SYNE3: variants seen among roughly 807,000 people sequenced by gnomAD.
SYNE3 encodes spectrin repeat containing nuclear envelope family member 3.
A neutral mutation model predicts 111.2 loss-of-function variants in SYNE3; 100 were observed. That is an observed-to-expected ratio of 0.90 (90% CI 0.77 to 1.06). The LOEUF (loss-of-function observed/expected upper bound fraction) is 1.06, where lower values mean the gene tolerates loss of function less well. Among genes scored for constraint, SYNE3 ranks in the 50% least tolerant of loss-of-function variants. The probability of loss-of-function intolerance (pLI) is 0.00; values close to 1 mark genes in which losing one functional copy is unlikely to be tolerated. For synonymous variants in SYNE3, 547 were observed against 533.9 expected, an observed-to-expected ratio of 1.02 and a Z score of -0.34; for missense variants, 1,160 against 1,240.3, an observed-to-expected ratio of 0.94 and a Z score of 0.97.
intron 1 of SYNE3, among the ~76,000 whole-genome samples, chr14:95,493,947 G>A (rs779584775): frequency 3.9e-5 from 6 of 152,138 alleles, no homozygotes; most frequent in East Asian, 3.8e-4. Context: ...TTTTATAGAT[G>A]AGAATACTGA....
chr14:95,452,812 G>A (rs985780022), intron 6 of SYNE3, among the ~76,000 whole-genome samples: 2 of 152,212 alleles, frequency 1.3e-5, no homozygotes, highest in Admixed American at 6.5e-5. Flanking sequence ...GCTCTCTGAC[G>A]GTTGCAGAGT....
chr14:95,484,359 C>A (rs188328967), intron 1 of SYNE3, among the ~76,000 whole-genome samples: 2 of 152,278 alleles, frequency 1.3e-5, no homozygotes, highest in East Asian at 3.9e-4. Flanking sequence ...CAGGTGTGAT[C>A]GTCTCAGGCT....
chr14:95,486,192 C>T (rs189598953), intron 1 of SYNE3, among the ~76,000 whole-genome samples: 426 of 152,234 alleles, frequency 2.8e-3, no homozygotes, highest in Middle Eastern at 0.014. Context: ...CAAGGCTAAT[C>T]CCAGGTACTG....
chr14:95,502,449 G>T (rs939153086), intron 1 of SYNE3, among the ~76,000 whole-genome samples: 6 of 151,958 alleles, frequency 3.9e-5, no homozygotes, highest in East Asian at 1.9e-4. Flanking sequence ...CATCTTCCCC[G>T]GCTGGCTCCT....
At chr14:95,489,046 T>C (rs187267092) in intron 1 of SYNE3, among the ~76,000 whole-genome samples, 6 of 152,202 alleles carry the variant, frequency 3.9e-5, no homozygotes, top group Admixed American at 3.9e-4. Flanking sequence ...GGCTGATGGC[T>C]AAGGGGGTGA....
intron 5 of SYNE3, among the ~76,000 whole-genome samples, chr14:95,456,386 G>A (rs909962404): frequency 9.9e-5 from 15 of 152,230 alleles, no homozygotes; most frequent in African/African-American, 2.7e-4. Context: ...CAGACCTGGC[G>A]CCTGCACCAC....
At chr14:95,436,673 CA>C in intron 15 of SYNE3, 146 bp downstream of exon 15, 4 of 941,480 alleles carry the variant, frequency 4.2e-6, no homozygotes, top group African/African-American at 1.7e-5. Flanking sequence ...ATCTTTGAAC[CA>C]AAAAAGTTTA....
chr14:95,479,224 C>CAAAA (rs71132351), intron 1 of SYNE3, among the ~76,000 whole-genome samples: 15 of 86,296 alleles, frequency 1.7e-4, no homozygotes, highest in African/African-American at 5.9e-4. Context: ...TCGTCTCTAC[C>CAAAA]AAAAAAAAAA....
chr14:95,430,008 G>T, intron 17 of SYNE3: 1 of 283,590 alleles, frequency 3.5e-6, no homozygotes, highest in Non-Finnish European at 4.5e-6. Context: ...GGAAAGAAGG[G>T]AGGGAGGGAG....
In SYNE3 at chr14:95,409,583, G is replaced by A. The variant is rs114688673; in HGVS notation, c.*8243C>T. On this transcript the variant is annotated 3_prime_UTR_variant, in exon 18 of 18. Coordinates refer to ENST00000682763, the MANE Select transcript of SYNE3 (RefSeq NM_152592.6). ...CATGACAACCGGAGAGCAGGTGCTG[G>A]GAGATGCTGAGTCCTGCTGACTGTG... 7.1e-3 allele frequency: 2,602 copies of A among 368,726 alleles called. 65 individuals are homozygous for A. Among genetic ancestry groups the A allele is most frequent in the African/African-American group, 0.05 (2,377 of 47,112 alleles). The allele number at this position is 368,726 out of a possible 1,614,324, so 22.8% of individuals were successfully genotyped here.
intron 1 of SYNE3, among the ~76,000 whole-genome samples, chr14:95,481,373 C>T (rs907174087): frequency 2.0e-5 from 3 of 152,084 alleles, no homozygotes; most frequent in Non-Finnish European, 2.9e-5. Context: ...CAGCTATGAA[C>T]CAGGAGGGTG....
Position 95,457,298 on chromosome 14 carries a change from T to G in SYNE3, c.668A>C (p.Glu223Ala). The change falls in exon 5 of 18, where the codon GAG (glutamate) becomes GCG (alanine). Residue 223 changes from glutamate (E) to alanine (A), a missense_variant. Glu to Ala is a moderately radical substitution (Grantham distance 107). Coordinates refer to ENST00000682763, the MANE Select transcript of SYNE3 (RefSeq NM_152592.6). ...DLLEQVAREH[E>A]EYQAGVDEFQ... The stretch of plus-strand genomic sequence containing the variant: ...CTCGTCCACACCTGCCTGGTACTCC[T>G]CATGCTCCCGGGCCACCTGCTCCAG... The G allele has an allele frequency of 1.2e-6, 2 of 1,614,058 alleles. No individual in the cohort carries two copies. The highest frequency in any genetic ancestry group is 1.1e-5 in the South Asian group (1 of 91,076).
chr14:95,425,251 A>G (rs1443146091), intron 17 of SYNE3, among the ~76,000 whole-genome samples: 1 of 152,144 alleles, frequency 6.6e-6, no homozygotes, highest in African/African-American at 2.4e-5. Context: ...ATCAAAAAAA[A>G]AAAAGAAAAG....
At chr14:95,479,448 C>G (rs879623810) in intron 1 of SYNE3, among the ~76,000 whole-genome samples, 3 of 152,148 alleles carry the variant, frequency 2.0e-5, no homozygotes, top group Admixed American at 6.5e-5. Flanking sequence ...ACCAAACGCA[C>G]AGGTGTTGGG....
chr14:95,491,037 C>A (rs1889825083), intron 1 of SYNE3, among the ~76,000 whole-genome samples: 1 of 152,312 alleles, frequency 6.6e-6, no homozygotes, highest in South Asian at 2.1e-4. Context: ...ATACACACAA[C>A]ATCAACTTCT....
At chr14:95,504,866 C>T (rs920726292) in intron 1 of SYNE3, among the ~76,000 whole-genome samples, 16 of 152,136 alleles carry the variant, frequency 1.1e-4, no homozygotes, top group African/African-American at 3.9e-4. Flanking sequence ...AGGAGCCTCA[C>T]ACAATCACTC....
At chr14:95,481,993 C>T (rs185080456) in intron 1 of SYNE3, among the ~76,000 whole-genome samples, 1 of 152,336 alleles carries the variant, frequency 6.6e-6, no homozygotes, top group African/African-American at 2.4e-5. Flanking sequence ...CTCTCCCTCC[C>T]TTCCCCTTCC....
chr14:95,467,069 A>G (rs1842029570), intron 3 of SYNE3, among the ~76,000 whole-genome samples: 1 of 152,200 alleles, frequency 6.6e-6, no homozygotes, highest in African/African-American at 2.4e-5. Context: ...AGGTGGCTCT[A>G]TCTCCCCAGC....
At chr14:95,476,191 G>A (rs867115289) in intron 1 of SYNE3, among the ~76,000 whole-genome samples, 2 of 152,218 alleles carry the variant, frequency 1.3e-5, no homozygotes, top group South Asian at 2.1e-4. Flanking sequence ...CCTGCAGTCC[G>A]AAACGTCTGG....
Sources: allele counts gnomAD v4.1 joint callset (sites outside exome capture counted in the v4.1 genomes callset), GRCh38; gene constraint gnomAD v4.1.1; transcripts MANE v1.5; gene names NCBI Gene and HGNC (gene_info 2026-07-23, HGNC 2026-07-21).